VOPP1: variants seen among roughly 807,000 people sequenced by gnomAD.
VOPP1 encodes WW domain binding protein VOPP1.
VOPP1 carries 8 observed loss-of-function variants against 23.5 expected under a neutral mutation model. The ratio of observed to expected loss-of-function variants is 0.34; its 90% CI spans 0.20 to 0.61. The LOEUF (loss-of-function observed/expected upper bound fraction) is 0.61, where lower values mean the gene tolerates loss of function less well. Ranked by LOEUF, VOPP1 falls within the 20% of genes least tolerant of loss-of-function variation. The pLI is 0.78. For synonymous variants in VOPP1, 83 were observed against 97.3 expected (o/e 0.85, Z 0.86); for missense variants, 174 against 238.1 (o/e 0.73, Z 1.77).
chr7:55,521,481 C>G, intron 1 of VOPP1: 1 of 970,362 alleles, frequency 1.0e-6, no homozygotes, highest in Non-Finnish European at 1.3e-6. Context: ...CAAAGATTGC[C>G]ACTGCCCCCC....
chr7:55,438,046 C>T (rs774115737), intron 4 of VOPP1, among the ~76,000 whole-genome samples: 11 of 151,982 alleles, frequency 7.2e-5, no homozygotes, highest in Non-Finnish European at 1.5e-4. Context: ...AGATTACAGG[C>T]GCCCCCAACC....
chr7:55,506,080 T>C (rs76843122), intron 2 of VOPP1, among the ~76,000 whole-genome samples: 1,670 of 152,286 alleles, frequency 0.011, 11 homozygotes, highest in Middle Eastern at 0.02. Context: ...GAGGTCCCCA[T>C]TGCTCTGGCG....
intron 4 of VOPP1, among the ~76,000 whole-genome samples, chr7:55,456,552 T>A (rs956176494): frequency 6.6e-6 from 1 of 152,184 alleles, no homozygotes; most frequent in African/African-American, 2.4e-5. Flanking sequence ...TCAACCCAAA[T>A]GCCCATCAAT....
intron 1 of VOPP1, among the ~76,000 whole-genome samples, chr7:55,540,933 G>A (rs1409204675): frequency 6.6e-6 from 1 of 152,116 alleles, no homozygotes; most frequent in African/African-American, 2.4e-5. Flanking sequence ...CAAAAGTAAT[G>A]AGAAAAAAAT....
At chr7:55,522,318 T>A (rs1562953380) in intron 1 of VOPP1, among the ~76,000 whole-genome samples, 2 of 152,156 alleles carry the variant, frequency 1.3e-5, no homozygotes, top group East Asian at 3.9e-4. Flanking sequence ...AACCCCTGGA[T>A]TTTGGAGAAT....
chr7:55,483,435 C>A (rs2129014398), intron 4 of VOPP1, among the ~76,000 whole-genome samples: 1 of 152,150 alleles, frequency 6.6e-6, no homozygotes, highest in Admixed American at 6.5e-5. Flanking sequence ...AGGGTAGGTC[C>A]TTCCCTTCAC....
intron 4 of VOPP1, among the ~76,000 whole-genome samples, chr7:55,477,609 C>T (rs985791870): frequency 2.6e-5 from 4 of 152,198 alleles, no homozygotes; most frequent in East Asian, 1.9e-4. Context: ...TGGCCACTCA[C>T]GCTGCAGAAC....
intron 3 of VOPP1, among the ~76,000 whole-genome samples, chr7:55,496,924 T>C (rs1164219558): frequency 6.6e-6 from 1 of 152,230 alleles, no homozygotes; most frequent in Non-Finnish European, 1.5e-5. Flanking sequence ...GAAATGCTGC[T>C]TTGGTTTATA....
At chr7:55,439,311 G>A (rs1483343429) in intron 4 of VOPP1, among the ~76,000 whole-genome samples, 1 of 151,342 alleles carries the variant, frequency 6.6e-6, no homozygotes, top group Admixed American at 6.6e-5. Flanking sequence ...TGTGGAGAAG[G>A]GAGGGGTCGC....
intron 1 of VOPP1, among the ~76,000 whole-genome samples, chr7:55,535,592 C>A (rs1027638951): frequency 4.6e-5 from 7 of 152,234 alleles, no homozygotes; most frequent in African/African-American, 1.7e-4. Context: ...CTGGAAAACA[C>A]TTCTTCAGAG....
rs554643769 is a variant in VOPP1 at position 55,496,093 on chromosome 7, G to A, written c.191+1520C>T. Among the ~76,000 whole-genome samples, 11 of 152,324 alleles carry A rather than the reference G, an allele frequency of 7.2e-5. No individual in the cohort carries two copies. In the South Asian group the frequency reaches 2.1e-3, roughly 29 times the overall value. ...CCACAGAAGCTGCCAGGCCCTAAAA[G>A]TTCAGCTGGACTTTCTCAAACTTCT... On this transcript the variant is annotated intron_variant, in intron 3 of 4. Coordinates refer to ENST00000285279, the MANE Select transcript of VOPP1 (RefSeq NM_030796.5).
chr7:55,440,150 C>G (rs1790928916), intron 4 of VOPP1, among the ~76,000 whole-genome samples: 1 of 152,152 alleles, frequency 6.6e-6, no homozygotes, highest in Non-Finnish European at 1.5e-5. Context: ...ATCTGACCTG[C>G]TTTTTCCTGC....
intron 1 of VOPP1, among the ~76,000 whole-genome samples, chr7:55,542,259 T>C (rs1797165341): frequency 6.6e-6 from 1 of 152,342 alleles, no homozygotes; most frequent in East Asian, 1.9e-4. Context: ...ACTTCCTGTG[T>C]TGGGAACATT....
intron 4 of VOPP1, among the ~76,000 whole-genome samples, chr7:55,486,705 G>A (rs1793172148): frequency 6.6e-6 from 1 of 152,218 alleles, no homozygotes; most frequent in Admixed American, 6.5e-5. Context: ...GGAATATTCT[G>A]GTAGCCATGA....
At chr7:55,557,191 G>A (rs1797838528) in intron 1 of VOPP1, among the ~76,000 whole-genome samples, 1 of 152,112 alleles carries the variant, frequency 6.6e-6, no homozygotes, top group South Asian at 2.1e-4. Context: ...ATCTGCTGAG[G>A]TTTGAATGCT....
intron 1 of VOPP1, among the ~76,000 whole-genome samples, chr7:55,549,269 TG>T (rs748390373): frequency 1.2e-4 from 19 of 152,174 alleles, no homozygotes; most frequent in Non-Finnish European, 2.4e-4. Context: ...GGCAAAAAGA[TG>T]AACAAGGGGT....
At chr7:55,499,225 G>A (rs1283592522) in intron 2 of VOPP1, among the ~76,000 whole-genome samples, 1 of 152,192 alleles carries the variant, frequency 6.6e-6, no homozygotes, top group Admixed American at 6.5e-5. Flanking sequence ...GGCCAAGGCA[G>A]GTGGACCACT....
At chr7:55,447,657 T>C (rs1289732743) in intron 4 of VOPP1, among the ~76,000 whole-genome samples, 1 of 152,252 alleles carries the variant, frequency 6.6e-6, no homozygotes, top group African/African-American at 2.4e-5. Context: ...GCAGTATGTA[T>C]GCTATAAATA....
At chr7:55,564,501 C>T (rs754595010) in intron 1 of VOPP1, among the ~76,000 whole-genome samples, 3 of 152,130 alleles carry the variant, frequency 2.0e-5, no homozygotes, top group Admixed American at 1.3e-4. Flanking sequence ...AAAGAGATGG[C>T]TATGGACCCT....
Sources: allele counts gnomAD v4.1 joint callset (sites outside exome capture counted in the v4.1 genomes callset), GRCh38; gene constraint gnomAD v4.1.1; transcripts MANE v1.5; gene names NCBI Gene and HGNC (gene_info 2026-07-23, HGNC 2026-07-21).